ZFHX3: variants seen among roughly 807,000 people sequenced by gnomAD.
ZFHX3 encodes zinc finger homeobox protein 3.
A neutral mutation model predicts 279.1 loss-of-function variants in ZFHX3; 42 were observed. The ratio of observed to expected loss-of-function variants is 0.15; its 90% confidence interval spans 0.12 to 0.19. The LOEUF is 0.19. Among genes scored for constraint, ZFHX3 ranks in the 10% least tolerant of loss-of-function variants. ZFHX3 has a pLI of 1.00. For synonymous variants in ZFHX3, 2,293 were observed against 1,957.8 expected (o/e 1.17, Z -4.52); for missense variants, 4,981 against 4,754.0 (o/e 1.05, Z -1.40).
In ZFHX3 at chr16:73,732,494, A is replaced by C. The variant is rs917917569; in HGVS notation, c.-1607-52254T>G. The stretch of plus-strand genomic sequence containing the variant: ...ATCACTCCTGCTATTCTGGTGTTTC[A>C]TATGTTTTAGGATTTGTCCTGGATT... On this transcript the variant is annotated intron_variant, in intron 1 of 17. Coordinates refer to the ZFHX3 transcript ENST00000641206. 7.2e-5 allele frequency among the ~76,000 whole-genome samples: 11 copies of C among 152,290 alleles called. 1 individual carries two copies. Among genetic ancestry groups the C allele is most frequent in the Admixed American group, 6.5e-4 (10 of 15,292 alleles).
chr16:72,984,334 T>A (rs1479305338), intron 1 of ZFHX3, among the ~76,000 whole-genome samples: 1 of 152,086 alleles, frequency 6.6e-6, no homozygotes, highest in Non-Finnish European at 1.5e-5. Flanking sequence ...ACTTGAAAAA[T>A]TCACTGGTGA....
chr16:73,093,078 C>A (rs1335113260), intron 8 of ZFHX3: 1 of 519,958 alleles, frequency 1.9e-6, no homozygotes, highest in African/African-American at 1.9e-5. Context: ...TGACCCCTCC[C>A]AGAGATCCCT....
At chr16:73,414,085 C>CT (rs1286570135) in intron 3 of ZFHX3, among the ~76,000 whole-genome samples, 1 of 152,224 alleles carries the variant, frequency 6.6e-6, no homozygotes, top group African/African-American at 2.4e-5. Flanking sequence ...CCACAGGACT[C>CT]TTTTACTGAA....
At chr16:72,963,068 ACT>A (rs745625064) in intron 1 of ZFHX3, among the ~76,000 whole-genome samples, 8 of 151,950 alleles carry the variant, frequency 5.3e-5, no homozygotes, top group South Asian at 2.1e-4. Flanking sequence ...GTCGATCAGC[ACT>A]CTGTCTGTAA....
intron 3 of ZFHX3, among the ~76,000 whole-genome samples, chr16:73,336,014 A>G (rs925190448): frequency 2.0e-5 from 3 of 152,062 alleles, no homozygotes; most frequent in Non-Finnish European, 2.9e-5. Flanking sequence ...CATTCGCAGC[A>G]GTGCACGTGT....
intron 2 of ZFHX3, among the ~76,000 whole-genome samples, chr16:73,572,168 TAA>T (rs36024411): frequency 0.047 from 6,618 of 140,258 alleles, 479 homozygotes; most frequent in African/African-American, 0.16. Flanking sequence ...TAAATATTCT[TAA>T]AAAAAAAAAA....
At chr16:73,662,898 G>A (rs2052800144) in intron 2 of ZFHX3, among the ~76,000 whole-genome samples, 1 of 152,076 alleles carries the variant, frequency 6.6e-6, no homozygotes. Flanking sequence ...AACCGTGAGG[G>A]GCTTTTTTTT....
intron 4 of ZFHX3, among the ~76,000 whole-genome samples, chr16:72,846,383 C>T (rs1288358710): frequency 5.3e-5 from 8 of 152,192 alleles, no homozygotes; most frequent in Non-Finnish European, 7.4e-5. Context: ...GAGCGCTGAG[C>T]GCTAAGCAGG....
At chr16:72,831,141 G>T (rs1184401049) in intron 4 of ZFHX3, among the ~76,000 whole-genome samples, 1 of 152,108 alleles carries the variant, frequency 6.6e-6, no homozygotes, top group African/African-American at 2.4e-5. Context: ...CTAGAAAACA[G>T]CCTCTAAATG....
At chr16:72,880,556 T>C (rs1019040717) in intron 4 of ZFHX3, among the ~76,000 whole-genome samples, 2 of 152,108 alleles carry the variant, frequency 1.3e-5, no homozygotes, top group Non-Finnish European at 2.9e-5. Context: ...TGTGAGAAAA[T>C]ACACTTCTTT....
chr16:72,875,098 G>T (rs571245766), intron 4 of ZFHX3, among the ~76,000 whole-genome samples: 5 of 152,198 alleles, frequency 3.3e-5, no homozygotes, highest in Non-Finnish European at 5.9e-5. Flanking sequence ...TGTTTGTTCC[G>T]TTTTAGTGCT....
At chr16:73,747,545 A>T (rs919080186) in intron 1 of ZFHX3, among the ~76,000 whole-genome samples, 1 of 152,152 alleles carries the variant, frequency 6.6e-6, no homozygotes, top group Admixed American at 6.6e-5. Context: ...GCATACCCTG[A>T]CTAATATACT....
intron 2 of ZFHX3, among the ~76,000 whole-genome samples, chr16:73,482,455 AC>A (rs1194259841): frequency 6.6e-6 from 1 of 151,866 alleles, no homozygotes; most frequent in East Asian, 1.9e-4. Flanking sequence ...CCACCGCCTC[AC>A]CCACTCCCTG....
intron 5 of ZFHX3, among the ~76,000 whole-genome samples, chr16:73,253,660 T>A (rs968040178): frequency 2.8e-4 from 43 of 151,754 alleles, no homozygotes; most frequent in Non-Finnish European, 1.6e-4. Flanking sequence ...TTTCACCGGG[T>A]TAACTAGGAT....
At chr16:73,603,181 A>T (rs1238123283) in intron 2 of ZFHX3, among the ~76,000 whole-genome samples, 1 of 151,402 alleles carries the variant, frequency 6.6e-6, no homozygotes, top group Non-Finnish European at 1.5e-5. Context: ...GCTACTCAGG[A>T]GGCTGAGGCA....
At chr16:73,373,249 C>T (rs2016663646) in intron 3 of ZFHX3, among the ~76,000 whole-genome samples, 1 of 152,164 alleles carries the variant, frequency 6.6e-6, no homozygotes. Flanking sequence ...CTATTCATTT[C>T]CTAGCCCTTT....
rs568996291 is a variant in ZFHX3 at position 73,836,200 on chromosome 16, C to T, written c.-1608+55451G>A. 9.2e-5 allele frequency among the ~76,000 whole-genome samples: 14 copies of T among 152,330 alleles called. No individual in the cohort carries two copies. The East Asian group carries it at 1.9e-3, about 21-fold the overall frequency. ...AAACTTAGGAGCATCTTCTCCACTG[C>T]TCCCATTCCACATTGAACCCAACTG... On this transcript the variant is annotated intron_variant, in intron 1 of 17. Coordinates refer to the ZFHX3 transcript ENST00000641206.
chr16:73,371,583 T>C (rs1022649214), intron 3 of ZFHX3, among the ~76,000 whole-genome samples: 1 of 151,890 alleles, frequency 6.6e-6, no homozygotes, highest in Non-Finnish European at 1.5e-5. Flanking sequence ...GGAAGCTCCA[T>C]CCACCAAAAG....
At chr16:73,237,528 C>CTTTTTTTTTT (rs886922274) in intron 5 of ZFHX3, among the ~76,000 whole-genome samples, 1 of 84,144 alleles carries the variant, frequency 1.2e-5, no homozygotes, top group Non-Finnish European at 2.3e-5. Context: ...CAAATGCAGC[C>CTTTTTTTTTT]TTTTTTTTTT....
Sources: gnomAD v4.1 joint callset for allele counts (sites outside exome capture counted in the v4.1 genomes callset) on GRCh38, gnomAD v4.1.1 for gene constraint, MANE v1.5 for transcripts, NCBI Gene and HGNC (gene_info 2026-07-23, HGNC 2026-07-21) for gene names.